Variants in MALT1 observed in about 807,000 individuals in gnomAD.
MALT1 encodes the protein MALT1 paracaspase.
In MALT1, 36 loss-of-function variants were observed where a neutral mutation model predicts 85.5. The observed-to-expected ratio is 0.42, with a 90% CI of 0.32 to 0.56. The LOEUF (loss-of-function observed/expected upper bound fraction) is 0.56. MALT1 is among the 20% of genes least tolerant of loss of function. MALT1 has a pLI of 0.10. For missense variants in MALT1, 716 were observed against 981.6 expected, an observed-to-expected ratio of 0.73 and a Z score of 3.62; for synonymous variants, 359 against 361.3, an observed-to-expected ratio of 0.99 and a Z score of 0.07.
chr18:58,712,643 C>G (rs758779739), intron 7 of MALT1, among the ~76,000 whole-genome samples: 26 of 152,096 alleles, frequency 1.7e-4, no homozygotes, highest in Non-Finnish European at 3.1e-4. Context: ...CAATAGGTAA[C>G]AGCTATTTAC....
intron 13 of MALT1, 44 bp downstream of exon 13, chr18:58,735,373 CA>C (rs1337493199): frequency 3.8e-6 from 6 of 1,559,048 alleles, no homozygotes; most frequent in African/African-American, 1.4e-5. Context: ...AAAAGGAGAG[CA>C]GGGGAGACAC....
chr18:58,704,723 C>T (rs2054721240), intron 4 of MALT1, among the ~76,000 whole-genome samples: 1 of 152,158 alleles, frequency 6.6e-6, no homozygotes, highest in Admixed American at 6.5e-5. Context: ...GGATTACTGG[C>T]ATGAGCCACC....
At chr18:58,679,366 A>C (rs751064980) in intron 1 of MALT1, among the ~76,000 whole-genome samples, 7 of 152,392 alleles carry the variant, frequency 4.6e-5, no homozygotes, top group Non-Finnish European at 1.0e-4. Context: ...TTGGCTTTGC[A>C]GCCAGGTATT....
At position 58,709,992 on chromosome 18, in the gene MALT1, T is replaced by C; in HGVS notation, c.845T>C (p.Leu282Ser). Residue 282 changes from leucine to serine, a missense_variant, in exon 6 of 17, where the codon TTG becomes TCG. This residue lies in a region of MALT1 where 290 missense variants were observed against 380.5 expected (regional missense o/e 0.76). Transcript: ENST00000649217. The stretch of plus-strand genomic sequence containing the variant: ...TTGATATAGGTGCCTTATGTGGATT[T>C]GGAACACCAAGGAACCTACTGGTGT... Reference protein sequence around the residue: ...KKLYMVPYVDLEHQGTYWCHV... With the variant: ...KKLYMVPYVDSEHQGTYWCHV... 1 of 1,609,024 alleles carries C rather than the reference T, an allele frequency of 6.2e-7. No individual in the cohort carries two copies. The highest frequency in any genetic ancestry group is 8.5e-7 in the Non-Finnish European group (1 of 1,176,442).
At chr18:58,742,199 T>C (rs1021445197) in intron 14 of MALT1, among the ~76,000 whole-genome samples, 185 bp downstream of exon 14, 2 of 152,366 alleles carry the variant, frequency 1.3e-5, no homozygotes, top group Admixed American at 6.5e-5. Flanking sequence ...TTTAGAAATA[T>C]CAAATTATTT....
chr18:58,691,778 C>T (rs904719131), intron 2 of MALT1, among the ~76,000 whole-genome samples: 3 of 151,806 alleles, frequency 2.0e-5, no homozygotes, highest in Non-Finnish European at 2.9e-5. Context: ...GAGGCTGAGG[C>T]AGGAGAATGG....
At chr18:58,747,352 G>GAT in intron 16 of MALT1, 53 bp from the exon 17 acceptor site, 1 of 1,125,708 alleles carries the variant, frequency 8.9e-7, no homozygotes, top group Non-Finnish European at 1.3e-6. Context: ...TTTTCAGATT[G>GAT]ATATATATTC....
intron 2 of MALT1, among the ~76,000 whole-genome samples, chr18:58,688,146 C>T (rs963961654): frequency 1.3e-5 from 2 of 152,106 alleles, no homozygotes; most frequent in South Asian, 2.1e-4. Context: ...GGGTCCCTGT[C>T]GCACAAGGCT....
chr18:58,752,505 A>C lies in MALT1; in HGVS notation c.*4663A>C, dbSNP rs192172482. 35 of 151,854 alleles carry C rather than the reference A, an allele frequency of 2.3e-4. No individual in the cohort carries two copies. In the East Asian group the frequency reaches 6.8e-3, roughly 29 times the overall value. 9.4% of individuals were successfully genotyped at this position (151,854 alleles called of 1,614,324 possible). A position where few individuals can be genotyped will look rare whatever the true frequency, so the allele number is the denominator to read the frequency against. ...AGAGTTTGACACTGAAACCCTGGGC[A>C]TGGTGGCTCACACCTGTAATCCCAG... On this transcript the variant is annotated 3_prime_UTR_variant, in exon 17 of 17. Coordinates refer to ENST00000649217, the MANE Select transcript of MALT1 (RefSeq NM_006785.4).
At chr18:58,685,260 G>C (rs2054384607) in intron 2 of MALT1, among the ~76,000 whole-genome samples, 1 of 152,210 alleles carries the variant, frequency 6.6e-6, no homozygotes, top group South Asian at 2.1e-4. Flanking sequence ...ACAGAGAGAA[G>C]CCTGGTTTGG....
At chr18:58,689,797 A>C (rs1287860638) in intron 2 of MALT1, among the ~76,000 whole-genome samples, 3 of 152,224 alleles carry the variant, frequency 2.0e-5, no homozygotes, top group Admixed American at 2.0e-4. Flanking sequence ...AGTGGAAGCC[A>C]GTGGGGTGGC....
chr18:58,728,845 T>A (rs1390281978), intron 10 of MALT1, among the ~76,000 whole-genome samples: 1 of 152,106 alleles, frequency 6.6e-6, no homozygotes, highest in African/African-American at 2.4e-5. Context: ...AGCTTTTCCC[T>A]GGATGAATGG....
chr18:58,719,688 T>G (rs7230967), intron 9 of MALT1, among the ~76,000 whole-genome samples: 57,070 of 151,936 alleles, frequency 0.38, 12,022 homozygotes, highest in African/African-American at 0.58. Context: ...TGCTACCACA[T>G]CTGGAAAGAT....
rs60947911 is a variant in MALT1, at chr18:58,724,892, C to G, written c.1222+1641C>G. Among the ~76,000 whole-genome samples, 1,483 of 152,054 alleles carry G rather than the reference C, an allele frequency of 9.8e-3. 25 individuals carry two copies. Among genetic ancestry groups the G allele is most frequent in the African/African-American group, 0.033 (1,381 of 41,464 alleles). The stretch of plus-strand genomic sequence containing the variant: ...GGACGCAGTGGCTTACGTCTGTAAT[C>G]CCAGCACTTTGGGAGGCCAAGGCAG... On this transcript the variant is annotated intron_variant, in intron 10 of 16. Transcript: ENST00000649217.
chr18:58,741,700 C>A, intron 13 of MALT1, 165 bp from the exon 14 acceptor site: 1 of 434,154 alleles, frequency 2.3e-6, no homozygotes, highest in Non-Finnish European at 4.0e-6. Flanking sequence ...AAAATTAAAA[C>A]ATGCCTGATA....
intron 2 of MALT1, chr18:58,692,165 G>A (rs2054514775): frequency 6.6e-6 from 1 of 152,152 alleles, no homozygotes; most frequent in African/African-American, 2.4e-5. Flanking sequence ...CGTGAGCCAA[G>A]GACCATTCTG....
At chr18:58,737,425 T>TA (rs1474462991) in intron 13 of MALT1, among the ~76,000 whole-genome samples, 1 of 147,954 alleles carries the variant, frequency 6.8e-6, no homozygotes, top group Non-Finnish European at 1.5e-5. Flanking sequence ...GAGACTGTAG[T>TA]AAGTATGACC....
intron 12 of MALT1, 177 bp downstream of exon 12, chr18:58,734,558 G>C (rs1393940126): frequency 1.7e-6 from 1 of 574,708 alleles, no homozygotes; most frequent in African/African-American, 1.9e-5. Flanking sequence ...TGAGTCGCTG[G>C]GATTACAGGC....
intron 10 of MALT1, among the ~76,000 whole-genome samples, chr18:58,731,194 C>T (rs998177029): frequency 6.6e-6 from 1 of 152,166 alleles, no homozygotes; most frequent in South Asian, 2.1e-4. Context: ...CTCAGGTGAT[C>T]CACCCACCTT....
Sources: gnomAD v4.1 joint callset for allele counts (sites outside exome capture counted in the v4.1 genomes callset) on GRCh38, gnomAD v4.1.1 for gene constraint, gnomAD v4.1.1 regional missense constraint, MANE v1.5 for transcripts, NCBI Gene and HGNC (gene_info 2026-07-23, HGNC 2026-07-21) for gene names.